Variants in POT1 observed in about 807,000 individuals in gnomAD.
The protein encoded by POT1 is protection of telomeres protein 1.
In POT1, 47 loss-of-function variants were observed where a neutral mutation model predicts 78.5. The ratio of observed to expected loss-of-function variants is 0.60; its 90% CI spans 0.47 to 0.76. The LOEUF (loss-of-function observed/expected upper bound fraction) is 0.76. POT1 is among the 30% of genes least tolerant of loss of function. POT1 has a pLI of 0.00. For missense variants in POT1, 646 were observed against 749.9 expected (o/e 0.86, Z 1.62); for synonymous variants, 259 against 260.7 (o/e 0.99, Z 0.06).
chr7:124,853,531 T>C (rs1015017516), intron 9 of POT1: 4 of 153,716 alleles, frequency 2.6e-5, no homozygotes, highest in African/African-American at 9.6e-5. Context: ...TGAAAATGCC[T>C]TGCTTTAACT....
intron 6 of POT1, among the ~76,000 whole-genome samples, chr7:124,876,094 A>C (rs1005279836): frequency 6.6e-6 from 1 of 152,206 alleles, no homozygotes; most frequent in African/African-American, 2.4e-5. Flanking sequence ...TCTCCAAAAA[A>C]ATTTTTGAGT....
intron 15 of POT1, among the ~76,000 whole-genome samples, chr7:124,834,207 T>C (rs761987317): frequency 2.0e-5 from 3 of 152,138 alleles, no homozygotes; most frequent in Non-Finnish European, 4.4e-5. Context: ...AAAGACTTCA[T>C]GTCTAAAACA....
At chr7:124,842,388 T>C (rs1795048901) in intron 13 of POT1, among the ~76,000 whole-genome samples, 1 of 151,952 alleles carries the variant, frequency 6.6e-6, no homozygotes, top group South Asian at 2.1e-4. Context: ...ATATTTATTA[T>C]ATTCTAGTTA....
intron 11 of POT1, among the ~76,000 whole-genome samples, chr7:124,850,618 G>C (rs1464067808): frequency 6.6e-6 from 1 of 151,996 alleles, no homozygotes; most frequent in African/African-American, 2.4e-5. Context: ...TGTAGTCCCA[G>C]CTATTGGGAG....
chr7:124,860,271 T>C (rs1292941110), intron 8 of POT1, among the ~76,000 whole-genome samples: 5 of 152,084 alleles, frequency 3.3e-5, no homozygotes, highest in African/African-American at 9.7e-5. Flanking sequence ...AATCACTAAA[T>C]AGACCATCAT....
chr7:124,857,510 TA>T (rs1795475011), intron 9 of POT1, among the ~76,000 whole-genome samples: 1 of 152,102 alleles, frequency 6.6e-6, no homozygotes, highest in African/African-American at 2.4e-5. Flanking sequence ...CCTGTGCCCA[TA>T]AAAACCCCAG....
chr7:124,852,063 T>C (rs1229554026), intron 10 of POT1, 112 bp from the exon 11 acceptor site: 3 of 679,966 alleles, frequency 4.4e-6, no homozygotes, highest in Admixed American at 5.7e-5. Context: ...AAATTTTGTA[T>C]GTATATGCAT....
At chr7:124,910,580 T>C (rs1171307386) in intron 3 of POT1, among the ~76,000 whole-genome samples, 3 of 151,936 alleles carry the variant, frequency 2.0e-5, no homozygotes, top group Non-Finnish European at 4.4e-5. Context: ...TAATAAACGT[T>C]TGAAAAAGAA....
At chr7:124,917,873 C>T (rs1477136959) in intron 2 of POT1, among the ~76,000 whole-genome samples, 7 of 152,118 alleles carry the variant, frequency 4.6e-5, no homozygotes, top group African/African-American at 1.7e-4. Context: ...GGCCCTAGCA[C>T]CTGGAGAAGA....
chr7:124,859,068 T>G lies in POT1; in HGVS notation c.591A>C (p.Leu197Phe), dbSNP rs1795518187. 3.1e-6 allele frequency: 5 copies of G among 1,607,504 alleles called. No homozygotes were observed. The highest frequency in any genetic ancestry group is 4.3e-6 in the Non-Finnish European group (5 of 1,175,834). The change falls in exon 9 of 19, where the codon TTA becomes TTC. Residue 197 changes from leucine to phenylalanine, a missense_variant. Around this residue, in one of 2 missense-constraint regions of POT1, gnomAD observed 252 missense variants for 341.4 expected, o/e 0.74. Transcript: ENST00000357628. ...CACCTTCAAGAACAAGGTCTTGTAT[T>G]AAGACTCTCCAAGATGGAAATGGTG... ...TRTPFPSWRV[L>F]IQDLVLEGDL...
At chr7:124,838,862 C>T (rs1794958874) in intron 14 of POT1, among the ~76,000 whole-genome samples, 1 of 152,112 alleles carries the variant, frequency 6.6e-6, no homozygotes, top group Non-Finnish European at 1.5e-5. Context: ...GCCTCGGCCT[C>T]CCAAAGTGCT....
intron 14 of POT1, among the ~76,000 whole-genome samples, chr7:124,836,971 A>C (rs1794914481): frequency 6.6e-6 from 1 of 152,228 alleles, no homozygotes; most frequent in African/African-American, 2.4e-5. Flanking sequence ...GAACAAAGAA[A>C]GACATTTACA....
chr7:124,883,249 C>CATGGT (rs1207581910), intron 6 of POT1, among the ~76,000 whole-genome samples: 4 of 151,980 alleles, frequency 2.6e-5, no homozygotes, highest in African/African-American at 9.7e-5. Flanking sequence ...ATTCAAAAAG[C>CATGGT]ATGGTATCTT....
chr7:124,838,108 G>A (rs1324639529), intron 14 of POT1, among the ~76,000 whole-genome samples: 2 of 152,110 alleles, frequency 1.3e-5, no homozygotes, highest in Admixed American at 1.3e-4. Context: ...ATTTAATGGT[G>A]ACACTTTCCA....
At chr7:124,904,593 G>A (rs1796712070) in intron 3 of POT1, among the ~76,000 whole-genome samples, 1 of 152,126 alleles carries the variant, frequency 6.6e-6, no homozygotes, top group South Asian at 2.1e-4. Flanking sequence ...CACAAGACAG[G>A]GATGCCCTCT....
intron 2 of POT1, among the ~76,000 whole-genome samples, chr7:124,917,722 G>A (rs1237299367): frequency 1.3e-5 from 2 of 152,142 alleles, no homozygotes; most frequent in African/African-American, 4.8e-5. Flanking sequence ...CCAACTAGAA[G>A]AAAAGTCTCA....
intron 11 of POT1, among the ~76,000 whole-genome samples, chr7:124,851,642 T>C (rs946614633): frequency 6.6e-6 from 1 of 152,168 alleles, no homozygotes; most frequent in Non-Finnish European, 1.5e-5. Context: ...GATATGTATA[T>C]ATCATAATCA....
chr7:124,862,709 T>C (rs867124303), intron 8 of POT1, among the ~76,000 whole-genome samples: 1 of 152,148 alleles, frequency 6.6e-6, no homozygotes, highest in Non-Finnish European at 1.5e-5. Context: ...GAAATAACCA[T>C]AGGAGCAGGC....
intron 6 of POT1, among the ~76,000 whole-genome samples, chr7:124,880,146 T>C (rs1212612840): frequency 6.6e-6 from 1 of 152,054 alleles, no homozygotes; most frequent in East Asian, 1.9e-4. Flanking sequence ...GTGAAACAAA[T>C]GATTGGTTTG....
Sources: gnomAD v4.1 joint callset for allele counts (sites outside exome capture counted in the v4.1 genomes callset) on GRCh38, gnomAD v4.1.1 for gene constraint, gnomAD v4.1.1 regional missense constraint, MANE v1.5 for transcripts, NCBI Gene and HGNC (gene_info 2026-07-23, HGNC 2026-07-21) for gene names.